The following SOX5 variants were observed in gnomAD, a reference collection of about 807,000 sequenced individuals.
SOX5 encodes SRY-box transcription factor 5, also known as transcription factor SOX-5.
SOX5 carries 9 observed loss-of-function variants against 92.0 expected under a neutral mutation model. The ratio of observed to expected loss-of-function variants is 0.10; its 90% CI spans 0.06 to 0.17. SOX5 has a LOEUF of 0.17. Ranked by LOEUF, SOX5 falls within the 10% of genes least tolerant of loss-of-function variation. The pLI, the probability that SOX5 is intolerant of heterozygous loss-of-function variation, is 1.00. For missense variants in SOX5, 642 were observed against 944.5 expected (o/e 0.68, Z 4.20); for synonymous variants, 344 against 336.3 (o/e 1.02, Z -0.25).
intron 4 of SOX5, among the ~76,000 whole-genome samples, chr12:24,064,147 C>T (rs1940239505): frequency 6.6e-6 from 1 of 152,202 alleles, no homozygotes. Flanking sequence ...GAGACACCAA[C>T]AAGACATATG....
chr12:24,181,735 T>C (rs1340106096), intron 4 of SOX5, among the ~76,000 whole-genome samples: 1 of 152,152 alleles, frequency 6.6e-6, no homozygotes, highest in Non-Finnish European at 1.5e-5. Flanking sequence ...CTGAATCCTG[T>C]GTTAAGTTCT....
intron 8 of SOX5, among the ~76,000 whole-genome samples, chr12:23,608,418 A>G (rs2137651713): frequency 6.6e-6 from 1 of 152,302 alleles, no homozygotes; most frequent in African/African-American, 2.4e-5. Flanking sequence ...AGAATTTATT[A>G]TTGATTACTT....
At chr12:24,004,282 T>C (rs1273889376) in intron 4 of SOX5, among the ~76,000 whole-genome samples, 1 of 126,596 alleles carries the variant, frequency 7.9e-6, no homozygotes, top group Non-Finnish European at 1.7e-5. Context: ...AACTGAATTA[T>C]ATCAAAATTA....
intron 4 of SOX5, among the ~76,000 whole-genome samples, chr12:23,989,246 G>C (rs1226374418): frequency 6.9e-6 from 1 of 144,286 alleles, no homozygotes; most frequent in African/African-American, 2.6e-5. Flanking sequence ...AAAAAAATTA[G>C]CTAGGCGTGG....
At chr12:23,956,209 T>C (rs1426120454) in intron 4 of SOX5, among the ~76,000 whole-genome samples, 1 of 152,218 alleles carries the variant, frequency 6.6e-6, no homozygotes, top group Non-Finnish European at 1.5e-5. Flanking sequence ...AGGAGAATGT[T>C]GCCTATTAAC....
At chr12:24,389,785 T>C (rs1316373270) in intron 1 of SOX5, among the ~76,000 whole-genome samples, 1 of 152,204 alleles carries the variant, frequency 6.6e-6, no homozygotes. Flanking sequence ...GGTTTAACAT[T>C]TGAAGGAGCT....
intron 4 of SOX5, among the ~76,000 whole-genome samples, chr12:24,163,005 C>T (rs1018207334): frequency 6.6e-6 from 1 of 152,054 alleles, no homozygotes; most frequent in African/African-American, 2.4e-5. Flanking sequence ...TAACCGGTGT[C>T]AGGCATGCTG....
chr12:24,499,742 C>T (rs959265237), intron 1 of SOX5, among the ~76,000 whole-genome samples: 2 of 142,816 alleles, frequency 1.4e-5, no homozygotes, highest in Admixed American at 7.2e-5. Flanking sequence ...TGATAAAACA[C>T]TAAAAATCTG....
intron 1 of SOX5, among the ~76,000 whole-genome samples, chr12:24,526,461 C>T (rs539858608): frequency 1.2e-4 from 18 of 152,228 alleles, no homozygotes; most frequent in Non-Finnish European, 2.2e-4. Context: ...AAAACGCAAA[C>T]GCAGAGTATA....
chr12:23,824,187 A>T (rs2096182647), intron 3 of SOX5, among the ~76,000 whole-genome samples: 2 of 152,102 alleles, frequency 1.3e-5, no homozygotes. Flanking sequence ...CCTTTGTAGG[A>T]GAAGAGCCAT....
At chr12:23,857,613 G>C (rs1190846660) in intron 2 of SOX5, among the ~76,000 whole-genome samples, 2 of 152,164 alleles carry the variant, frequency 1.3e-5, no homozygotes, top group Non-Finnish European at 2.9e-5. Context: ...TACTTCTATA[G>C]GGACAATGAC....
At position 23,648,976 on chromosome 12, in the gene SOX5, G is replaced by A. The variant is rs112854623; in HGVS notation, c.932-8079C>T. On this transcript the variant is annotated intron_variant, in intron 7 of 14. Transcript: ENST00000451604. ...AAAGGATTGTGTCTAATAGCGCTAC[G>A]CTATTTCAATGATATTCACCCAACA... 2.6e-5 allele frequency among the ~76,000 whole-genome samples: 4 copies of A among 151,962 alleles called. No homozygotes were observed. In the South Asian group the frequency reaches 6.2e-4, roughly 24 times the overall value.
intron 3 of SOX5, among the ~76,000 whole-genome samples, chr12:24,233,763 A>C (rs1963890245): frequency 1.3e-5 from 2 of 152,226 alleles, no homozygotes; most frequent in African/African-American, 4.8e-5. Context: ...CAGCACAAGG[A>C]AGACCTATGT....
chr12:24,131,110 A>C (rs147982988), intron 4 of SOX5, among the ~76,000 whole-genome samples: 119 of 152,304 alleles, frequency 7.8e-4, no homozygotes, highest in African/African-American at 2.8e-3. Flanking sequence ...ACTTCCTCTG[A>C]GTTATTTTTT....
At chr12:24,326,630 C>T (rs1173785169) in intron 2 of SOX5, among the ~76,000 whole-genome samples, 2 of 152,150 alleles carry the variant, frequency 1.3e-5, no homozygotes, top group Admixed American at 6.5e-5. Flanking sequence ...GTGACCTCTA[C>T]CTTGAATGTT....
chr12:24,523,139 A>G (rs887129137), intron 1 of SOX5, among the ~76,000 whole-genome samples: 3 of 152,160 alleles, frequency 2.0e-5, no homozygotes, highest in East Asian at 1.9e-4. Flanking sequence ...AAAAATAGGA[A>G]AACAATATCA....
At chr12:23,737,743 G>A (rs2093656177) in intron 5 of SOX5, among the ~76,000 whole-genome samples, 1 of 152,018 alleles carries the variant, frequency 6.6e-6, no homozygotes, top group South Asian at 2.1e-4. Flanking sequence ...ACACACCAAG[G>A]ATGCTCCTGC....
chr12:23,822,745 T>C (rs185898361), intron 3 of SOX5, among the ~76,000 whole-genome samples: 13 of 152,218 alleles, frequency 8.5e-5, no homozygotes, highest in Admixed American at 4.6e-4. Context: ...ATTGTACTAT[T>C]ATCGTGTTGG....
intron 4 of SOX5, among the ~76,000 whole-genome samples, chr12:23,989,485 C>A (rs1402079199): frequency 2.0e-5 from 3 of 151,972 alleles, no homozygotes; most frequent in Non-Finnish European, 2.9e-5. Flanking sequence ...TTAAAGTCAT[C>A]TAAAAAGGAA....
Sources: gnomAD v4.1 joint callset for allele counts (sites outside exome capture counted in the v4.1 genomes callset) on GRCh38, gnomAD v4.1.1 for gene constraint, MANE v1.5 for transcripts, NCBI Gene and HGNC (gene_info 2026-07-23, HGNC 2026-07-21) for gene names.